The following STMN4 variants were observed in gnomAD, a reference collection of about 807,000 sequenced individuals.
The protein encoded by STMN4 is stathmin-4.
A neutral mutation model predicts 29.1 loss-of-function variants in STMN4; 12 were observed. The ratio of observed to expected loss-of-function variants is 0.41; its 90% CI spans 0.26 to 0.67. STMN4 has a LOEUF of 0.67. Ranked by LOEUF, STMN4 falls within the 30% of genes least tolerant of loss-of-function variation. The pLI, the probability that STMN4 is intolerant of heterozygous loss-of-function variation, is 0.30. For synonymous variants in STMN4, 114 were observed against 105.3 expected (o/e 1.08, Z -0.51); for missense variants, 181 against 262.8 (o/e 0.69, Z 2.15).
intron 5 of STMN4, among the ~76,000 whole-genome samples, chr8:27,240,479 G>A (rs1482907068): frequency 1.3e-5 from 2 of 152,030 alleles, no homozygotes; most frequent in Non-Finnish European, 2.9e-5. Context: ...ACAGCTTGGG[G>A]TAAAAAAAAG....
At chr8:27,252,039 C>G (rs971283690) in intron 1 of STMN4, among the ~76,000 whole-genome samples, 25 of 151,686 alleles carry the variant, frequency 1.6e-4, no homozygotes, top group African/African-American at 6.1e-4. Context: ...CAATTCCCAC[C>G]TATGAGTGAG....
At chr8:27,239,897 A>G (rs1302191799) in intron 6 of STMN4, 74 bp downstream of exon 6, 1 of 1,609,968 alleles carries the variant, frequency 6.2e-7, no homozygotes, top group African/African-American at 1.3e-5. Context: ...GATGATCAGC[A>G]GGTCCCCGCA....
chr8:27,239,555 T>G (rs1672124888), intron 6 of STMN4: 1 of 781,832 alleles, frequency 1.3e-6, no homozygotes, highest in African/African-American at 1.7e-5. Context: ...GAATCTCAGC[T>G]CATCATACCC....
intron 6 of STMN4, chr8:27,239,246 C>A: frequency 6.5e-7 from 1 of 1,535,626 alleles, no homozygotes; most frequent in Non-Finnish European, 8.7e-7. Flanking sequence ...GGCCACCGAT[C>A]AGGTCCCGGG....
intron 6 of STMN4, 57 bp downstream of exon 6, chr8:27,239,914 C>G: frequency 6.2e-7 from 1 of 1,613,532 alleles, no homozygotes; most frequent in Non-Finnish European, 8.5e-7. Context: ...CGCATACTTG[C>G]TGCAGAAGGA....
At chr8:27,239,190 G>A (rs1801394225) in intron 6 of STMN4, 4 of 1,531,070 alleles carry the variant, frequency 2.6e-6, no homozygotes, top group Non-Finnish European at 3.5e-6. Flanking sequence ...GACTCTAGGT[G>A]GATGGGCAGG....
At chr8:27,254,678 G>A (rs1002041971) in intron 1 of STMN4, among the ~76,000 whole-genome samples, 2 of 150,262 alleles carry the variant, frequency 1.3e-5, no homozygotes, top group Admixed American at 6.6e-5. Flanking sequence ...GTTCATGTGT[G>A]TGTAGGGGAT....
chr8:27,248,072 G>A (rs575040191), intron 1 of STMN4, among the ~76,000 whole-genome samples: 1 of 152,208 alleles, frequency 6.6e-6, no homozygotes, highest in Non-Finnish European at 1.5e-5. Context: ...GCTCAGGATG[G>A]CAGGCCCTCC....
intron 1 of STMN4, among the ~76,000 whole-genome samples, chr8:27,248,254 C>A (rs915043054): frequency 2.6e-5 from 4 of 152,076 alleles, no homozygotes; most frequent in Admixed American, 2.6e-4. Context: ...GTATATAATT[C>A]TGTGCCAAGC....
At chr8:27,239,854 C>A (rs2130055769) in intron 6 of STMN4, 117 bp downstream of exon 6, 1 of 1,567,612 alleles carries the variant, frequency 6.4e-7, no homozygotes, top group Non-Finnish European at 8.7e-7. Flanking sequence ...AGAAAAAGAT[C>A]CTGATTTTTG....
Position 27,247,584 on chromosome 8 carries a change from T to C in STMN4, c.-78-3783A>G, listed in dbSNP as rs148374315. On this transcript the variant is annotated intron_variant, in intron 1 of 6. Transcript: ENST00000350889. ...GGTTGTGTGATGCTAGGTTGTCTTG[T>C]GGGGTTTGTTAAATGGCCATGGTCA... is the stretch of plus-strand genomic sequence containing the variant. Among the ~76,000 whole-genome samples, 155 of 152,228 alleles carry C rather than the reference T, an allele frequency of 1.0e-3. 1 individual carries two copies. The highest frequency in any genetic ancestry group is 3.6e-3 in the African/African-American group (149 of 41,534).
At chr8:27,239,366 T>A in intron 6 of STMN4, 1 of 1,447,126 alleles carries the variant, frequency 6.9e-7, no homozygotes, top group Non-Finnish European at 9.3e-7. Context: ...GAGGCCAGCG[T>A]GTTCTCAGCA....
intron 1 of STMN4, among the ~76,000 whole-genome samples, chr8:27,244,076 A>G (rs997329541): frequency 6.6e-6 from 1 of 152,116 alleles, no homozygotes; most frequent in Non-Finnish European, 1.5e-5. Flanking sequence ...TTTCCCAAAA[A>G]CGTATGGATC....
In STMN4 at chr8:27,243,518, G is replaced by A. The variant is rs534848515; in HGVS notation, c.13+193C>T. The stretch of plus-strand genomic sequence containing the variant: ...CCCCCCACCACTTGTTCAACTTGTC[G>A]CCTGTGGTGACAGGCAGTGGTGTGC... On this transcript the variant is annotated intron_variant, in intron 2 of 6. Coordinates refer to ENST00000350889, the MANE Select transcript of STMN4 (RefSeq NM_030795.4). Among the ~76,000 whole-genome samples, 38 of 151,540 alleles carry A rather than the reference G, an allele frequency of 2.5e-4. No individual in the cohort carries two copies. The South Asian group carries it at 5.4e-3, about 22-fold the overall frequency.
At chr8:27,253,607 A>G (rs530381686) in intron 1 of STMN4, among the ~76,000 whole-genome samples, 16 of 152,342 alleles carry the variant, frequency 1.1e-4, no homozygotes, top group African/African-American at 3.4e-4. Flanking sequence ...AAGATGTTTG[A>G]CATTTGCATT....
At chr8:27,240,532 T>G (rs912255120) in intron 5 of STMN4, among the ~76,000 whole-genome samples, 1 of 152,166 alleles carries the variant, frequency 6.6e-6, no homozygotes, top group Non-Finnish European at 1.5e-5. Flanking sequence ...AAATCCAGAC[T>G]AGTGTAGACA....
chr8:27,243,105 G>A (rs1563415314), intron 2 of STMN4, among the ~76,000 whole-genome samples: 5 of 152,224 alleles, frequency 3.3e-5, no homozygotes, highest in Admixed American at 2.6e-4. Context: ...TGTTTGGGAT[G>A]TCAGGGGCCA....
intron 6 of STMN4, chr8:27,239,476 T>A: frequency 1.5e-6 from 1 of 688,390 alleles, no homozygotes; most frequent in Non-Finnish European, 2.4e-6. Context: ...GGCAACATAT[T>A]GGAAAGACCT....
At chr8:27,244,675 G>A (rs762946580) in intron 1 of STMN4, among the ~76,000 whole-genome samples, 75 of 152,128 alleles carry the variant, frequency 4.9e-4, no homozygotes, top group Middle Eastern at 6.8e-3. Context: ...GCCAAGGGTC[G>A]GGGTGAGAAC....
Sources: gnomAD v4.1 joint callset for allele counts (sites outside exome capture counted in the v4.1 genomes callset) on GRCh38, gnomAD v4.1.1 for gene constraint, MANE v1.5 for transcripts, NCBI Gene and HGNC (gene_info 2026-07-23, HGNC 2026-07-21) for gene names.